The following NRG1 variants were observed in gnomAD, a reference collection of about 807,000 sequenced individuals.
NRG1 encodes the protein neuregulin 1.
In NRG1, 18 loss-of-function variants were observed where a neutral mutation model predicts 63.8. That is an observed-to-expected ratio of 0.28 (90% CI 0.19 to 0.42). The LOEUF is 0.42. NRG1 is among the 10% of genes least tolerant of loss of function. The pLI is 1.00. For synonymous variants in NRG1, 302 were observed against 301.3 expected (o/e 1.00, Z -0.02); for missense variants, 762 against 814.7 (o/e 0.94, Z 0.79).
At chr8:31,902,164 A>G (rs750017150) in intron 1 of NRG1, among the ~76,000 whole-genome samples, 2 of 152,226 alleles carry the variant, frequency 1.3e-5, no homozygotes, top group Non-Finnish European at 2.9e-5. Flanking sequence ...AGTAAACCAG[A>G]AAGTTATTAG....
intron 1 of NRG1, among the ~76,000 whole-genome samples, chr8:31,834,190 GCAT>G (rs1825442919): frequency 6.6e-6 from 1 of 152,136 alleles, no homozygotes; most frequent in Non-Finnish European, 1.5e-5. Flanking sequence ...AGTTAGCTAA[GCAT>G]CAGCCAACCA....
Position 31,686,880 on chromosome 8 carries a change from G to C in NRG1, c.37+47449G>C, listed in dbSNP as rs189342762. On this transcript the variant is annotated intron_variant, in intron 1 of 10. Coordinates refer to the NRG1 transcript ENST00000519301. The stretch of plus-strand genomic sequence containing the variant: ...GCTTCCTTGGTTCAACGATTTCTCT[G>C]TCTCAGCCTTCTGAGTAGCTGGGAT... 1.6e-3 allele frequency among the ~76,000 whole-genome samples: 244 copies of C among 152,088 alleles called. 3 individuals carry two copies. Among genetic ancestry groups the C allele is most frequent in the Non-Finnish European group, 2.3e-3 (155 of 68,002 alleles).
chr8:31,858,681 G>T (rs1828179121), intron 1 of NRG1, among the ~76,000 whole-genome samples: 1 of 152,114 alleles, frequency 6.6e-6, no homozygotes, highest in Non-Finnish European at 1.5e-5. Flanking sequence ...CTGAATCCTG[G>T]CTGAACAATT....
chr8:32,470,153 G>A (rs1015590411), intron 1 of NRG1, among the ~76,000 whole-genome samples: 2 of 149,090 alleles, frequency 1.3e-5, no homozygotes, highest in Non-Finnish European at 3.0e-5. Flanking sequence ...GATTACAGGC[G>A]TGAGCCACTG....
intron 1 of NRG1, among the ~76,000 whole-genome samples, chr8:31,754,809 TGTTATA>T (rs1436777951): frequency 6.6e-6 from 1 of 152,018 alleles, no homozygotes; most frequent in East Asian, 1.9e-4. Flanking sequence ...GAAGGGACAA[TGTTATA>T]GTTACAAAAA....
At chr8:32,047,429 A>G (rs1319346808) in intron 1 of NRG1, among the ~76,000 whole-genome samples, 1 of 152,068 alleles carries the variant, frequency 6.6e-6, no homozygotes, top group East Asian at 1.9e-4. Context: ...GAGAATATAA[A>G]CCATTCACAT....
chr8:32,024,105 G>A (rs1816875715), intron 1 of NRG1, among the ~76,000 whole-genome samples: 1 of 152,186 alleles, frequency 6.6e-6, no homozygotes, highest in Non-Finnish European at 1.5e-5. Context: ...CTAAACTGTA[G>A]TTTCCAAGCA....
intron 1 of NRG1, among the ~76,000 whole-genome samples, chr8:32,155,893 A>G (rs1838010654): frequency 6.6e-6 from 1 of 152,152 alleles, no homozygotes; most frequent in South Asian, 2.1e-4. Flanking sequence ...GATGTCTTTC[A>G]AATTTATCCA....
intron 1 of NRG1, among the ~76,000 whole-genome samples, chr8:31,702,414 T>G (rs1314098951): frequency 5.9e-5 from 9 of 151,836 alleles, no homozygotes; most frequent in Non-Finnish European, 1.2e-4. Flanking sequence ...CTTTAAAAGA[T>G]AGAATAAAGG....
intron 1 of NRG1, among the ~76,000 whole-genome samples, chr8:31,661,111 T>C (rs1805950315): frequency 6.6e-6 from 1 of 152,222 alleles, no homozygotes; most frequent in African/African-American, 2.4e-5. Flanking sequence ...TTTTTCCACA[T>C]TGGTATGTTT....
intron 1 of NRG1, among the ~76,000 whole-genome samples, chr8:31,973,924 C>G (rs1424859604): frequency 6.6e-6 from 1 of 152,104 alleles, no homozygotes; most frequent in Non-Finnish European, 1.5e-5. Context: ...ATTCACTCTC[C>G]GTCTTAGCAG....
chr8:32,488,594 G>A (rs1341617189), intron 1 of NRG1, among the ~76,000 whole-genome samples: 2 of 150,742 alleles, frequency 1.3e-5, no homozygotes, highest in African/African-American at 2.5e-5. Flanking sequence ...TGGGCAACAT[G>A]GCAAAACCCC....
At chr8:32,424,181 A>G (rs1227659885) in intron 1 of NRG1, among the ~76,000 whole-genome samples, 1 of 152,098 alleles carries the variant, frequency 6.6e-6, no homozygotes, top group Non-Finnish European at 1.5e-5. Flanking sequence ...TCTCAAACTC[A>G]AACTGCCTTC....
At chr8:32,501,465 A>G (rs1827844322) in intron 1 of NRG1, among the ~76,000 whole-genome samples, 1 of 152,192 alleles carries the variant, frequency 6.6e-6, no homozygotes, top group African/African-American at 2.4e-5. Context: ...GAGAGAACAA[A>G]TCCTTTGAGA....
chr8:31,972,399 C>T (rs938049988), intron 1 of NRG1, among the ~76,000 whole-genome samples: 5 of 152,200 alleles, frequency 3.3e-5, no homozygotes, highest in Non-Finnish European at 5.9e-5. Flanking sequence ...CTCCATATGT[C>T]GACAGGAATC....
intron 1 of NRG1, among the ~76,000 whole-genome samples, chr8:31,743,560 A>ATGTGTG (rs71974137): frequency 6.6e-6 from 1 of 151,160 alleles, no homozygotes. Flanking sequence ...ATTGTTTAAT[A>ATGTGTG]TGTGTGTGTG....
At chr8:31,716,014 T>C (rs189217124) in intron 1 of NRG1, among the ~76,000 whole-genome samples, 45 of 152,298 alleles carry the variant, frequency 3.0e-4, no homozygotes, top group African/African-American at 1.1e-3. Context: ...CTAGTGGAAG[T>C]TTCTTTGTGT....
intron 1 of NRG1, among the ~76,000 whole-genome samples, chr8:32,418,523 A>G (rs191273333): frequency 7.9e-5 from 12 of 152,170 alleles, no homozygotes; most frequent in African/African-American, 2.9e-4. Context: ...CACTTACAGT[A>G]CATCTTAATT....
At chr8:31,955,726 G>C (rs1804248509) in intron 1 of NRG1, among the ~76,000 whole-genome samples, 1 of 151,960 alleles carries the variant, frequency 6.6e-6, no homozygotes. Context: ...TTCTGAGGGT[G>C]ATTTTTTTTA....
Sources: allele counts gnomAD v4.1 joint callset (sites outside exome capture counted in the v4.1 genomes callset), GRCh38; gene constraint gnomAD v4.1.1; transcripts MANE v1.5; gene names NCBI Gene and HGNC (gene_info 2026-07-23, HGNC 2026-07-21).